Variants in NCKAP5 observed in about 807,000 individuals in gnomAD.
NCKAP5 encodes the protein NCK associated protein 5.
Under a neutral mutation model 167.0 loss-of-function variants are expected in NCKAP5, and 92 were observed. The observed-to-expected ratio is 0.55, with a 90% CI of 0.47 to 0.66. The LOEUF (loss-of-function observed/expected upper bound fraction) is 0.66. Ranked by LOEUF, NCKAP5 falls within the 30% of genes least tolerant of loss-of-function variation. NCKAP5 has a pLI of 0.00. For missense variants in NCKAP5, 2,378 were observed against 2,315.0 expected (o/e 1.03, Z -0.56); for synonymous variants, 891 against 877.4 (o/e 1.02, Z -0.27).
rs532046264 is a variant in NCKAP5, at chr2:133,386,413, C to G, written c.70-83303G>C. Among the ~76,000 whole-genome samples, 14 of 152,262 alleles carry G rather than the reference C, an allele frequency of 9.2e-5. 2 individuals are homozygous for G. In the South Asian group the frequency reaches 2.3e-3, roughly 25 times the overall value. ...TTTGATTGCACTGTGGTCTGAGAGACAGTTTGTTATAATTTCTCTTCTTTT... is the reference window on the plus strand; with the variant it reads ...TTTGATTGCACTGTGGTCTGAGAGAGAGTTTGTTATAATTTCTCTTCTTTT... On this transcript the variant is annotated intron_variant, in intron 3 of 19. Coordinates refer to ENST00000409261, the MANE Select transcript of NCKAP5 (RefSeq NM_207363.3).
chr2:133,132,916 T>C (rs1559174553), intron 5 of NCKAP5, among the ~76,000 whole-genome samples: 1 of 152,272 alleles, frequency 6.6e-6, no homozygotes, highest in East Asian at 1.9e-4. Flanking sequence ...GACCTTGTGA[T>C]CTGCCCGCCT....
At chr2:132,680,652 GAGA>G (rs572703026) in intron 19 of NCKAP5, among the ~76,000 whole-genome samples, 1 of 152,256 alleles carries the variant, frequency 6.6e-6, no homozygotes, top group South Asian at 2.1e-4. Flanking sequence ...CTGAAGGAAA[GAGA>G]AGTCATTTCA....
intron 3 of NCKAP5, among the ~76,000 whole-genome samples, chr2:133,487,478 C>T (rs1416627952): frequency 6.6e-6 from 1 of 152,090 alleles, no homozygotes; most frequent in Non-Finnish European, 1.5e-5. Flanking sequence ...CGTCTCCAGG[C>T]CACTACCATA....
At chr2:133,236,147 G>A (rs188398120) in intron 4 of NCKAP5, among the ~76,000 whole-genome samples, 285 of 148,572 alleles carry the variant, frequency 1.9e-3, no homozygotes, top group African/African-American at 6.8e-3. Context: ...ACAAGCTTCA[G>A]GTATGAGTCA....
At chr2:132,823,837 T>G (rs1003711780) in intron 11 of NCKAP5, among the ~76,000 whole-genome samples, 4 of 152,090 alleles carry the variant, frequency 2.6e-5, no homozygotes, top group African/African-American at 9.7e-5. Context: ...AGGACTCACA[T>G]AAACCTAAGG....
At chr2:133,540,700 C>T (rs924985823) in intron 2 of NCKAP5, among the ~76,000 whole-genome samples, 4 of 152,020 alleles carry the variant, frequency 2.6e-5, no homozygotes, top group Non-Finnish European at 4.4e-5. Flanking sequence ...CTTTGGGAGG[C>T]TGAGGCAGGT....
At chr2:133,500,414 C>T (rs575741883) in intron 3 of NCKAP5, among the ~76,000 whole-genome samples, 60 of 152,292 alleles carry the variant, frequency 3.9e-4, no homozygotes, top group Non-Finnish European at 7.3e-4. Flanking sequence ...TCCAATAACA[C>T]GTGTCTTTCT....
At chr2:132,683,955 G>A (rs975128194) in intron 19 of NCKAP5, among the ~76,000 whole-genome samples, 12 of 152,266 alleles carry the variant, frequency 7.9e-5, no homozygotes, top group Admixed American at 1.3e-4. Flanking sequence ...TATAGCTGTC[G>A]TAGTACAAAA....
intron 8 of NCKAP5, among the ~76,000 whole-genome samples, chr2:132,947,981 T>C (rs1697888203): frequency 6.6e-6 from 1 of 152,116 alleles, no homozygotes; most frequent in African/African-American, 2.4e-5. Flanking sequence ...TGACCTGAGA[T>C]GAATGGGGGA....
intron 6 of NCKAP5, among the ~76,000 whole-genome samples, chr2:133,028,751 G>A (rs1016744437): frequency 1.2e-4 from 19 of 152,172 alleles, no homozygotes; most frequent in African/African-American, 4.3e-4. Flanking sequence ...AATTCCAAAT[G>A]TTGGAGGTAG....
At chr2:132,851,603 G>A (rs1241472638) in intron 11 of NCKAP5, among the ~76,000 whole-genome samples, 1 of 152,188 alleles carries the variant, frequency 6.6e-6, no homozygotes, top group East Asian at 1.9e-4. Flanking sequence ...GGCTCAGCCT[G>A]TTCTGGTTTT....
chr2:132,828,156 T>G (rs893252908), intron 11 of NCKAP5, among the ~76,000 whole-genome samples: 2 of 152,318 alleles, frequency 1.3e-5, no homozygotes, highest in African/African-American at 4.8e-5. Flanking sequence ...GCCTTGATCT[T>G]GAACTGTCCA....
At chr2:133,286,473 A>G (rs1375783585) in intron 4 of NCKAP5, among the ~76,000 whole-genome samples, 1 of 152,220 alleles carries the variant, frequency 6.6e-6, no homozygotes, top group Non-Finnish European at 1.5e-5. Flanking sequence ...AATGACTTAT[A>G]TTCTTTGAGT....
In NCKAP5 at chr2:133,130,017, T is replaced by C. The variant is rs752671579; in HGVS notation, c.302A>G (p.Asn101Ser). 5.0e-6 allele frequency: 8 copies of C among 1,611,072 alleles called. No individual in the cohort carries two copies. In the Admixed American group the frequency reaches 8.4e-5, roughly 17 times the overall value. The change falls in exon 6 of 20, where the codon AAC (asparagine) becomes AGC (serine). Residue 101 changes from asparagine to serine, a missense_variant. Asn to Ser is a conservative substitution (Grantham distance 46). This residue lies in a region of NCKAP5 where 1,049 missense variants were observed against 1,023.4 expected (regional missense o/e 1.02). Transcript: ENST00000409261. Reference sequence around the variant, plus strand: ...CTGCAAGCTACGCATCTGAATTCTGTTGCGTTCAGACTCTAGGGTCACCTC... The same window carrying C: ...CTGCAAGCTACGCATCTGAATTCTGCTGCGTTCAGACTCTAGGGTCACCTC... ...LQEVTLESER[N>S]RIQMRSLQQQ...
chr2:132,906,957 AT>A (rs1342726442), intron 8 of NCKAP5, among the ~76,000 whole-genome samples: 1 of 152,202 alleles, frequency 6.6e-6, no homozygotes, highest in African/African-American at 2.4e-5. Context: ...TACTTGAATG[AT>A]TTACTGTTTT....
intron 6 of NCKAP5, among the ~76,000 whole-genome samples, chr2:133,029,065 A>G (rs141343093): frequency 0.012 from 1,780 of 152,182 alleles, 24 homozygotes; most frequent in Admixed American, 0.031. Context: ...GGCCAATTAA[A>G]CTTTTTTTAT....
At chr2:133,484,893 A>T (rs1471914298) in intron 3 of NCKAP5, among the ~76,000 whole-genome samples, 1 of 152,232 alleles carries the variant, frequency 6.6e-6, no homozygotes, top group African/African-American at 2.4e-5. Flanking sequence ...GTATAATGAC[A>T]ACCCTAGACT....
intron 17 of NCKAP5, 115 bp from the exon 18 acceptor site, chr2:132,729,067 A>G: frequency 1.4e-6 from 2 of 1,385,852 alleles, no homozygotes; most frequent in Non-Finnish European, 2.0e-6. Context: ...AAATACAGTG[A>G]AAGCTGGGCT....
intron 4 of NCKAP5, among the ~76,000 whole-genome samples, chr2:133,232,144 G>T (rs2087180981): frequency 1.3e-5 from 2 of 152,098 alleles, no homozygotes; most frequent in Non-Finnish European, 2.9e-5. Flanking sequence ...GATTCTGCAG[G>T]CATCTATACA....
Sources: allele counts gnomAD v4.1 joint callset (sites outside exome capture counted in the v4.1 genomes callset), GRCh38; gene constraint gnomAD v4.1.1; regional missense constraint gnomAD v4.1.1; transcripts MANE v1.5; gene names NCBI Gene and HGNC (gene_info 2026-07-23, HGNC 2026-07-21).